Variants in ADGRL2 observed in about 807,000 individuals in gnomAD.
ADGRL2 encodes the protein calcium-independent alpha-latrotoxin receptor 2.
A neutral mutation model predicts 157.4 loss-of-function variants in ADGRL2; 44 were observed. The observed-to-expected ratio is 0.28, with a 90% CI of 0.22 to 0.36. ADGRL2 has a LOEUF of 0.36. Among genes scored for constraint, ADGRL2 ranks in the 10% least tolerant of loss-of-function variants. The pLI, the probability that ADGRL2 is intolerant of heterozygous loss-of-function variation, is 1.00. For synonymous variants in ADGRL2, 585 were observed against 624.7 expected (o/e 0.94, Z 0.95); for missense variants, 1,510 against 1,768.9 (o/e 0.85, Z 2.63).
At chr1:81,357,849 G>A (rs1408215886) in intron 1 of ADGRL2, among the ~76,000 whole-genome samples, 3 of 152,156 alleles carry the variant, frequency 2.0e-5, no homozygotes, top group Non-Finnish European at 4.4e-5. Flanking sequence ...TCTGAAGTTA[G>A]TTAAACTCTT....
At chr1:81,343,080 C>CTT (rs1662196774) in intron 1 of ADGRL2, among the ~76,000 whole-genome samples, 1 of 111,348 alleles carries the variant, frequency 9.0e-6, no homozygotes, top group African/African-American at 3.7e-5. Flanking sequence ...TTCTTTTTTT[C>CTT]TTTTTTCTTT....
At chr1:81,582,765 A>G (rs1046886792) in intron 3 of ADGRL2, among the ~76,000 whole-genome samples, 3 of 152,116 alleles carry the variant, frequency 2.0e-5, no homozygotes, top group African/African-American at 7.2e-5. Context: ...CTTCTCACAT[A>G]CCCCACCACA....
chr1:81,835,056 C>CT (rs1214500801), intron 1 of ADGRL2, among the ~76,000 whole-genome samples: 2 of 152,086 alleles, frequency 1.3e-5, no homozygotes, highest in Non-Finnish European at 2.9e-5. Context: ...TTCTTCCTTC[C>CT]TCCTCCTTCC....
At chr1:81,729,412 T>C (rs2084647336) in intron 1 of ADGRL2, among the ~76,000 whole-genome samples, 1 of 152,168 alleles carries the variant, frequency 6.6e-6, no homozygotes. Context: ...CTTGCAGTAC[T>C]GTTTTTCTCA....
intron 2 of ADGRL2, among the ~76,000 whole-genome samples, chr1:81,448,565 G>T (rs1474020865): frequency 6.6e-6 from 1 of 151,942 alleles, no homozygotes; most frequent in East Asian, 1.9e-4. Flanking sequence ...GGCCAGGTGT[G>T]GTGGCCTACC....
At chr1:81,556,316 T>TA (rs2148417823) in intron 2 of ADGRL2, among the ~76,000 whole-genome samples, 1 of 133,356 alleles carries the variant, frequency 7.5e-6, no homozygotes, top group African/African-American at 2.9e-5. Flanking sequence ...GTCACAATTT[T>TA]TTTTTTTTTT....
chr1:81,460,257 T>A (rs77199914), intron 2 of ADGRL2, among the ~76,000 whole-genome samples: 1 of 151,646 alleles, frequency 6.6e-6, no homozygotes, highest in East Asian at 1.9e-4. Flanking sequence ...ATTAATGATT[T>A]ATATTAATTA....
chr1:81,663,680 G>C (rs1322391892), intron 3 of ADGRL2, among the ~76,000 whole-genome samples: 2 of 152,182 alleles, frequency 1.3e-5, no homozygotes, highest in East Asian at 1.9e-4. Context: ...TTGATTACAA[G>C]AGGGAATGAG....
chr1:81,326,967 A>G (rs527331750), intron 1 of ADGRL2, among the ~76,000 whole-genome samples: 1 of 152,316 alleles, frequency 6.6e-6, no homozygotes, highest in Admixed American at 6.5e-5. Context: ...TGCTTTAAAA[A>G]CTACATCAAA....
intron 2 of ADGRL2, among the ~76,000 whole-genome samples, chr1:81,462,030 G>A (rs1245674424): frequency 6.6e-6 from 1 of 151,886 alleles, no homozygotes; most frequent in Non-Finnish European, 1.5e-5. Context: ...GTGGGGACTT[G>A]GAGAACTTTT....
At chr1:81,595,936 A>T (rs1359013040) in intron 3 of ADGRL2, among the ~76,000 whole-genome samples, 2 of 152,124 alleles carry the variant, frequency 1.3e-5, no homozygotes, top group Non-Finnish European at 2.9e-5. Flanking sequence ...TTCCTGGTTC[A>T]TAGGCAGCTG....
At chr1:81,408,509 TTAAGA>T (rs61477382) in intron 1 of ADGRL2, among the ~76,000 whole-genome samples, 57,675 of 151,566 alleles carry the variant, frequency 0.38, 11,012 homozygotes, top group East Asian at 0.48. Context: ...ACCACATTAA[TTAAGA>T]TGAGTTCAAC....
At chr1:81,311,464 T>C (rs1413344996) in intron 1 of ADGRL2, among the ~76,000 whole-genome samples, 2 of 152,166 alleles carry the variant, frequency 1.3e-5, no homozygotes, top group Non-Finnish European at 2.9e-5. Context: ...GTTTGTAAAC[T>C]ACTTGAGGGT....
intron 1 of ADGRL2, among the ~76,000 whole-genome samples, chr1:81,415,246 T>C (rs1053232347): frequency 3.3e-5 from 5 of 152,216 alleles, no homozygotes; most frequent in Admixed American, 6.5e-5. Flanking sequence ...TATAAACAAA[T>C]TAGTAGTATC....
intron 1 of ADGRL2, among the ~76,000 whole-genome samples, chr1:81,714,170 T>C (rs781568754): frequency 2.0e-5 from 3 of 152,158 alleles, no homozygotes; most frequent in Non-Finnish European, 4.4e-5. Context: ...TTATGGGAGC[T>C]ACAATTCAAG....
intron 2 of ADGRL2, among the ~76,000 whole-genome samples, chr1:81,847,787 T>C (rs548823917): frequency 1.0e-3 from 153 of 152,046 alleles, no homozygotes; most frequent in Non-Finnish European, 1.7e-3. Flanking sequence ...AATACAAATG[T>C]TTTATTATTT....
At chr1:81,795,388 T>C (rs752047071) in intron 2 of ADGRL2, among the ~76,000 whole-genome samples, 3 of 151,982 alleles carry the variant, frequency 2.0e-5, no homozygotes, top group East Asian at 3.9e-4. Flanking sequence ...AAAATAAATA[T>C]ATAAATAAAA....
chr1:81,655,825 G>A (rs891209791), intron 3 of ADGRL2, among the ~76,000 whole-genome samples: 2 of 151,952 alleles, frequency 1.3e-5, no homozygotes, highest in African/African-American at 4.8e-5. Flanking sequence ...TTATGTGTGT[G>A]TGTGATTTTA....
At chr1:81,591,021 T>C (rs1034531117) in intron 3 of ADGRL2, among the ~76,000 whole-genome samples, 2 of 152,150 alleles carry the variant, frequency 1.3e-5, no homozygotes, top group Non-Finnish European at 2.9e-5. Context: ...GTGTAACTCA[T>C]TTCCTTCCTT....
Sources: gnomAD v4.1 joint callset for allele counts (sites outside exome capture counted in the v4.1 genomes callset) on GRCh38, gnomAD v4.1.1 for gene constraint, MANE v1.5 for transcripts, NCBI Gene and HGNC (gene_info 2026-07-23, HGNC 2026-07-21) for gene names.